The following TMEM117 variants were observed in gnomAD, a reference collection of about 807,000 sequenced individuals.
TMEM117 encodes the protein transmembrane protein 117.
In TMEM117, 27 loss-of-function variants were observed where a neutral mutation model predicts 52.4. That is an observed-to-expected ratio of 0.51 (90% confidence interval 0.38 to 0.71). TMEM117 has a LOEUF of 0.71. Ranked by LOEUF, TMEM117 falls within the 30% of genes least tolerant of loss-of-function variation. The probability of loss-of-function intolerance (pLI) is 0.00; values close to 1 mark genes in which losing one functional copy is unlikely to be tolerated. For missense variants in TMEM117, 556 were observed against 630.5 expected (o/e 0.88, Z 1.26); for synonymous variants, 215 against 206.3 (o/e 1.04, Z -0.36).
At chr12:44,064,800 G>A (rs1284047025) in intron 3 of TMEM117, among the ~76,000 whole-genome samples, 1 of 152,084 alleles carries the variant, frequency 6.6e-6, no homozygotes, top group Non-Finnish European at 1.5e-5. Context: ...TATATGTATA[G>A]GATGAATAAG....
chr12:43,856,719 G>A lies in TMEM117; in HGVS notation c.277+11791G>A, dbSNP rs142661332. ...CCTTTTTATTTCTGACTGGTATTGTGTGACTGTGTCAAAATTTGTTTACCC... is the reference window on the plus strand; with the variant it reads ...CCTTTTTATTTCTGACTGGTATTGTATGACTGTGTCAAAATTTGTTTACCC... On this transcript the variant is annotated intron_variant, in intron 2 of 7. Transcript: ENST00000266534. Among the ~76,000 whole-genome samples, 148 of 152,068 alleles carry A rather than the reference G, an allele frequency of 9.7e-4. 1 individual carries two copies. The East Asian group carries it at 0.025, about 25-fold the overall frequency.
chr12:44,276,747 TAA>T (rs1156293841), intron 5 of TMEM117, among the ~76,000 whole-genome samples: 1 of 152,154 alleles, frequency 6.6e-6, no homozygotes, highest in Non-Finnish European at 1.5e-5. Flanking sequence ...TTATATACCA[TAA>T]AGATATATAA....
At chr12:44,284,678 A>G (rs1950617450) in intron 5 of TMEM117, among the ~76,000 whole-genome samples, 1 of 152,182 alleles carries the variant, frequency 6.6e-6, no homozygotes, top group Non-Finnish European at 1.5e-5. Context: ...AAGGATGAAC[A>G]TTTTCCACCT....
At chr12:44,159,579 G>A (rs1383257386) in intron 4 of TMEM117, among the ~76,000 whole-genome samples, 1 of 152,038 alleles carries the variant, frequency 6.6e-6, no homozygotes, top group African/African-American at 2.4e-5. Context: ...TTCTAATGAA[G>A]GCTTTGCCCA....
chr12:44,051,949 G>A (rs967892378), intron 3 of TMEM117, among the ~76,000 whole-genome samples: 1 of 152,294 alleles, frequency 6.6e-6, no homozygotes, highest in South Asian at 2.1e-4. Context: ...CTATCTCTGG[G>A]TCAGTAAGGT....
At chr12:44,338,520 A>G (rs1485848179) in intron 6 of TMEM117, among the ~76,000 whole-genome samples, 1 of 151,990 alleles carries the variant, frequency 6.6e-6, no homozygotes, top group African/African-American at 2.4e-5. Context: ...TAGGCCTGAA[A>G]GTAACATGTG....
intron 4 of TMEM117, among the ~76,000 whole-genome samples, chr12:44,145,763 A>C (rs1283900728): frequency 7.9e-5 from 12 of 152,174 alleles, no homozygotes; most frequent in Non-Finnish European, 1.6e-4. Context: ...CAGGAGGCTA[A>C]GATGATATGG....
Position 43,969,517 on chromosome 12 carries a change from G to A in TMEM117, c.410+25175G>A, listed in dbSNP as rs1250869736. Among the ~76,000 whole-genome samples the A allele has an allele frequency of 1.1e-4, 17 of 148,142 alleles. No homozygotes were observed. In the South Asian group the frequency reaches 1.5e-3, roughly 13 times the overall value. On this transcript the variant is annotated intron_variant, in intron 3 of 7. Coordinates refer to ENST00000266534, the MANE Select transcript of TMEM117 (RefSeq NM_032256.3). ...AGCCTGGGCAACAGAGTGAGACTCT[G>A]TATCAAAAAAATAATAATAATAATT...
chr12:44,268,966 C>T (rs1950414101), intron 5 of TMEM117, among the ~76,000 whole-genome samples: 1 of 152,074 alleles, frequency 6.6e-6, no homozygotes, highest in South Asian at 2.1e-4. Flanking sequence ...TTTTACCAAC[C>T]TTACATGGAT....
At chr12:44,090,849 G>GT (rs541939145) in intron 3 of TMEM117, among the ~76,000 whole-genome samples, 2,130 of 101,548 alleles carry the variant, frequency 0.021, 39 homozygotes, top group South Asian at 0.041. Flanking sequence ...GTTTTTTTTT[G>GT]TTTTTTTTTT....
intron 4 of TMEM117, among the ~76,000 whole-genome samples, chr12:44,210,248 G>T (rs1411478675): frequency 6.6e-6 from 1 of 151,940 alleles, no homozygotes; most frequent in Non-Finnish European, 1.5e-5. Flanking sequence ...TCTGGGAGTG[G>T]AAAAAATGTG....
At chr12:44,168,835 C>A (rs960192311) in intron 4 of TMEM117, among the ~76,000 whole-genome samples, 12 of 152,172 alleles carry the variant, frequency 7.9e-5, no homozygotes, top group African/African-American at 2.7e-4. Context: ...CAAGCTGAAA[C>A]TCTGTTTCAT....
chr12:44,168,663 T>G (rs1189297958), intron 4 of TMEM117, among the ~76,000 whole-genome samples: 6 of 152,206 alleles, frequency 3.9e-5, no homozygotes, highest in Non-Finnish European at 7.3e-5. Flanking sequence ...GTTCCCAAAA[T>G]TAGAACTTTT....
intron 5 of TMEM117, among the ~76,000 whole-genome samples, chr12:44,234,129 G>A (rs549322501): frequency 9.9e-5 from 15 of 151,252 alleles, no homozygotes; most frequent in Non-Finnish European, 2.1e-4. Context: ...ATCAGTTGGG[G>A]ATTGTATACT....
chr12:44,193,888 A>G (rs916510246), intron 4 of TMEM117, among the ~76,000 whole-genome samples: 7 of 152,210 alleles, frequency 4.6e-5, no homozygotes, highest in Non-Finnish European at 1.0e-4. Flanking sequence ...TATCTCCACA[A>G]ATAAATTACT....
At chr12:43,913,696 G>A (rs56312131) in intron 2 of TMEM117, among the ~76,000 whole-genome samples, 8,761 of 151,840 alleles carry the variant, frequency 0.058, 300 homozygotes, top group Middle Eastern at 0.13. Context: ...GCATTATATT[G>A]TCTCTAGAAA....
intron 3 of TMEM117, among the ~76,000 whole-genome samples, chr12:44,007,599 T>C (rs1433177970): frequency 6.6e-6 from 1 of 152,156 alleles, no homozygotes; most frequent in Non-Finnish European, 1.5e-5. Flanking sequence ...AGGATAGTAC[T>C]AAGCCCTCTA....
chr12:43,838,555 T>C lies in TMEM117; in HGVS notation c.-29+2359T>C, dbSNP rs201859105. Among the ~76,000 whole-genome samples the C allele has an allele frequency of 7.5e-3, 1,068 of 142,900 alleles. 26 individuals carry two copies. The highest frequency in any genetic ancestry group is 0.039 in the East Asian group (201 of 5,096). The allele number at this position is 142,900 out of a possible 152,430, so 93.7% of individuals were successfully genotyped here. On this transcript the variant is annotated intron_variant, in intron 1 of 7. Coordinates refer to ENST00000266534, the MANE Select transcript of TMEM117 (RefSeq NM_032256.3). ...TCTTCCAGTTTTTTTTTTTTTTTTT[T>C]CCCTCACCCAGGCTGGTCTGTTACG... is the stretch of plus-strand genomic sequence containing the variant.
intron 7 of TMEM117, among the ~76,000 whole-genome samples, chr12:44,386,619 A>G (rs1952091806): frequency 6.6e-6 from 1 of 152,094 alleles, no homozygotes; most frequent in South Asian, 2.1e-4. Context: ...TATAGCAATT[A>G]CTGGGCCCCT....
Sources: allele counts gnomAD v4.1 joint callset (sites outside exome capture counted in the v4.1 genomes callset), GRCh38; gene constraint gnomAD v4.1.1; transcripts MANE v1.5; gene names NCBI Gene and HGNC (gene_info 2026-07-23, HGNC 2026-07-21).